Variants in NEURL1 observed in about 807,000 individuals in gnomAD.
The protein encoded by NEURL1 is E3 ubiquitin-protein ligase NEURL1.
A neutral mutation model predicts 41.2 loss-of-function variants in NEURL1; 26 were observed. That is an observed-to-expected ratio of 0.63 (90% CI 0.46 to 0.87). The LOEUF (loss-of-function observed/expected upper bound fraction) is 0.87, where lower values mean the gene tolerates loss of function less well. Among genes scored for constraint, NEURL1 ranks in the 40% least tolerant of loss-of-function variants. The pLI is 0.00. For synonymous variants in NEURL1, 400 were observed against 402.3 expected, an observed-to-expected ratio of 0.99 and a Z score of 0.07; for missense variants, 761 against 871.1, an observed-to-expected ratio of 0.87 and a Z score of 1.59.
intron 1 of NEURL1, among the ~76,000 whole-genome samples, chr10:103,559,489 G>A (rs2133871635): frequency 6.6e-6 from 1 of 152,228 alleles, no homozygotes; most frequent in African/African-American, 2.4e-5. Flanking sequence ...GGTGGGTGGG[G>A]TAGCCATCAG....
Position 103,571,096 on chromosome 10 carries a change from G to C in NEURL1, c.310G>C (p.Glu104Gln). ...TFSNRPVLIY[E>Q]QVRLKITKKQ... ...CAGCAACCGCCCGGTCCTCATCTAC[G>C]AGCAAGTCAGGCTGAAGGTGGGCCT... The change falls in exon 2 of 6, where the codon GAG becomes CAG. Residue 104 changes from glutamate (E) to glutamine (Q), a missense_variant. Glu to Gln is a conservative substitution (Grantham distance 29). Coordinates refer to ENST00000369780, the MANE Select transcript of NEURL1 (RefSeq NM_004210.5). 1.2e-6 allele frequency: 2 copies of C among 1,613,418 alleles called. No individual in the cohort carries two copies. Among genetic ancestry groups the C allele is most frequent in the Non-Finnish European group, 1.7e-6 (2 of 1,179,966 alleles).
intron 1 of NEURL1, among the ~76,000 whole-genome samples, chr10:103,495,704 T>C (rs552589772): frequency 3.3e-4 from 50 of 152,380 alleles, no homozygotes; most frequent in African/African-American, 7.9e-4. Flanking sequence ...TGCATTCTAA[T>C]ACTCCAGCTC....
In NEURL1 at chr10:103,502,927, G is replaced by A. The variant is rs555814943; in HGVS notation, c.85+8455G>A. Among the ~76,000 whole-genome samples the A allele has an allele frequency of 4.3e-4, 65 of 152,336 alleles. No individual in the cohort carries two copies. In the South Asian group the frequency reaches 0.012, roughly 29 times the overall value. On this transcript the variant is annotated intron_variant, in intron 1 of 5. Transcript: ENST00000369780. ...GAGCCGGTTGCTTTGGCAACCCTGG[G>A]CAGGATGCAAGTGGTCTCCTTGGTA...
At chr10:103,497,319 C>T (rs2033709117) in intron 1 of NEURL1, among the ~76,000 whole-genome samples, 1 of 152,110 alleles carries the variant, frequency 6.6e-6, no homozygotes, top group Admixed American at 6.6e-5. Flanking sequence ...ACTGCCTAGC[C>T]AGAGTTCTGC....
chr10:103,541,214 C>T (rs1351634840), intron 1 of NEURL1, among the ~76,000 whole-genome samples: 1 of 152,080 alleles, frequency 6.6e-6, no homozygotes, highest in Non-Finnish European at 1.5e-5. Context: ...GTGTGTTAGG[C>T]AGGTCATGGG....
chr10:103,502,753 G>A (rs540300457), intron 1 of NEURL1, among the ~76,000 whole-genome samples: 1 of 152,336 alleles, frequency 6.6e-6, no homozygotes, highest in African/African-American at 2.4e-5. Context: ...AAAGCAGTAA[G>A]AAAAGGAGGA....
Position 103,550,557 on chromosome 10 carries a change from G to A in NEURL1, c.86-20315G>A, listed in dbSNP as rs116126742. The A allele has an allele frequency of 5.4e-3, 819 of 152,356 alleles. 9 individuals are homozygous for A. The highest frequency in any genetic ancestry group is 0.018 in the African/African-American group (767 of 41,560). The allele number at this position is 152,356 out of a possible 1,614,324, so 9.4% of individuals were successfully genotyped here. On this transcript the variant is annotated intron_variant, in intron 1 of 5. Coordinates refer to ENST00000369780, the MANE Select transcript of NEURL1 (RefSeq NM_004210.5). Reference sequence around the variant, plus strand: ...GTGTCTGTCTGGGTCACCTGTTAGCGGATGAGAAGTCCAGCCTTACTGCCT... The same window carrying A: ...GTGTCTGTCTGGGTCACCTGTTAGCAGATGAGAAGTCCAGCCTTACTGCCT...
chr10:103,529,095 T>A (rs939691457), intron 1 of NEURL1, among the ~76,000 whole-genome samples: 1 of 152,250 alleles, frequency 6.6e-6, no homozygotes, highest in Non-Finnish European at 1.5e-5. Flanking sequence ...GTACCATAGT[T>A]TTTGAAATAC....
chr10:103,555,798 G>A (rs1480605751), intron 1 of NEURL1, among the ~76,000 whole-genome samples: 1 of 152,204 alleles, frequency 6.6e-6, no homozygotes, highest in Non-Finnish European at 1.5e-5. Flanking sequence ...CACCTCTCCC[G>A]GGACGGAGGC....
intron 1 of NEURL1, among the ~76,000 whole-genome samples, chr10:103,557,158 T>C (rs1353446191): frequency 2.0e-5 from 3 of 152,292 alleles, no homozygotes; most frequent in East Asian, 3.9e-4. Context: ...CCAGGCCCGA[T>C]GGTTCACGCC....
chr10:103,549,237 T>A (rs11191721), intron 1 of NEURL1: 22,504 of 152,480 alleles, frequency 0.15, 1,937 homozygotes, highest in South Asian at 0.31. Context: ...ATCCAGGTTC[T>A]GTTTGCTCAG....
chr10:103,521,623 A>G (rs1344879921), intron 1 of NEURL1, among the ~76,000 whole-genome samples: 1 of 152,090 alleles, frequency 6.6e-6, no homozygotes, highest in Admixed American at 6.5e-5. Flanking sequence ...AACCTAGAAG[A>G]GGTTATGAAA....
At chr10:103,537,530 A>G (rs1056115662) in intron 1 of NEURL1, among the ~76,000 whole-genome samples, 14 of 152,002 alleles carry the variant, frequency 9.2e-5, no homozygotes, top group Non-Finnish European at 1.9e-4. Context: ...AGTAGCTGGG[A>G]CCACAGGTGC....
chr10:103,564,319 G>A (rs1461211585), intron 1 of NEURL1, among the ~76,000 whole-genome samples: 1 of 152,156 alleles, frequency 6.6e-6, no homozygotes, highest in African/African-American at 2.4e-5. Context: ...CTCCCAAGAA[G>A]CCTGTAAACC....
chr10:103,581,685 A>G (rs1359690712), intron 3 of NEURL1, among the ~76,000 whole-genome samples: 1 of 152,210 alleles, frequency 6.6e-6, no homozygotes, highest in Non-Finnish European at 1.5e-5. Flanking sequence ...GAAGTATAGC[A>G]TATATACCAA....
Position 103,590,192 on chromosome 10 carries a change from C to T in NEURL1, c.1545C>T (p.Gly515=). 6.2e-7 allele frequency: 1 copy of T among 1,614,188 alleles called. No homozygotes were observed. The highest frequency in any genetic ancestry group is 8.5e-7 in the Non-Finnish European group (1 of 1,180,048). ...AGTCGCCAGTGACCCCAGGTCTGGGCCAGTGGAGCGATGAGTGCACCATTT... is the reference window on the plus strand; with the variant it reads ...AGTCGCCAGTGACCCCAGGTCTGGGTCAGTGGAGCGATGAGTGCACCATTT... The part of the protein sequence containing the change: ...LPESPVTPGL[G]QWSDECTICY... Residue 515 remains glycine (G), a synonymous_variant, in exon 6 of 6, where the codon GGC becomes GGT. Transcript: ENST00000369780.
intron 4 of NEURL1, among the ~76,000 whole-genome samples, chr10:103,587,628 C>T (rs368225706): frequency 3.5e-4 from 54 of 152,326 alleles, no homozygotes; most frequent in African/African-American, 1.3e-3. Flanking sequence ...AAGGTTATTT[C>T]CTTCACTCAT....
chr10:103,514,966 G>A (rs2034165515), intron 1 of NEURL1, among the ~76,000 whole-genome samples: 1 of 152,078 alleles, frequency 6.6e-6, no homozygotes, highest in Non-Finnish European at 1.5e-5. Flanking sequence ...GGTGGCTCAT[G>A]GCTGTAATCC....
rs1423953150 is a variant in NEURL1, at chr10:103,571,842, G to T, written c.649+20G>T. On this transcript the variant is annotated intron_variant, in intron 3 of 5. Coordinates refer to ENST00000369780, the MANE Select transcript of NEURL1 (RefSeq NM_004210.5). ...TGCTTGGTGAGTGCCTGCCCCTCCG[G>T]CCCCTTGGTGCAGGGGACACCCCTC... 1 of 1,575,286 alleles carries T rather than the reference G, an allele frequency of 6.3e-7. No individual in the cohort carries two copies. Among genetic ancestry groups the T allele is most frequent in the Admixed American group, 1.7e-5 (1 of 58,544 alleles).
Sources: allele counts gnomAD v4.1 joint callset (sites outside exome capture counted in the v4.1 genomes callset), GRCh38; gene constraint gnomAD v4.1.1; transcripts MANE v1.5; gene names NCBI Gene and HGNC (gene_info 2026-07-23, HGNC 2026-07-21).